TNR: variants seen among roughly 807,000 people sequenced by gnomAD.
TNR encodes the protein tenascin R, also known as tenascin-R.
Under a neutral mutation model 150.4 loss-of-function variants are expected in TNR, and 45 were observed. The observed-to-expected ratio is 0.30, with a 90% CI of 0.24 to 0.38. The LOEUF (loss-of-function observed/expected upper bound fraction) is 0.38, where lower values mean the gene tolerates loss of function less well. Among genes scored for constraint, TNR ranks in the 10% least tolerant of loss-of-function variants. TNR has a pLI of 1.00. For missense variants in TNR, 1,544 were observed against 1,759.1 expected, an observed-to-expected ratio of 0.88 and a Z score of 2.19; for synonymous variants, 687 against 678.4, an observed-to-expected ratio of 1.01 and a Z score of -0.20.
intron 18 of TNR, among the ~76,000 whole-genome samples, chr1:175,352,966 G>T (rs575704407): frequency 3.9e-4 from 60 of 152,258 alleles, no homozygotes; most frequent in African/African-American, 1.3e-3. Context: ...AGGCTCTGAG[G>T]CATGGACGGG....
intron 2 of TNR, among the ~76,000 whole-genome samples, chr1:175,514,665 T>G (rs1484348667): frequency 2.6e-5 from 4 of 152,222 alleles, no homozygotes; most frequent in Non-Finnish European, 5.9e-5. Flanking sequence ...CCAAAACTAC[T>G]AGACTGAGTG....
At chr1:175,558,443 A>G (rs1661280487) in intron 1 of TNR, among the ~76,000 whole-genome samples, 1 of 152,206 alleles carries the variant, frequency 6.6e-6, no homozygotes, top group African/African-American at 2.4e-5. Context: ...ATTATTATCT[A>G]CACTATAAAT....
intron 1 of TNR, among the ~76,000 whole-genome samples, chr1:175,706,190 A>AG (rs1392038580): frequency 2.0e-5 from 3 of 152,264 alleles, no homozygotes; most frequent in Non-Finnish European, 4.4e-5. Context: ...TCAGAGATCT[A>AG]TCTTGATAGT....
intron 2 of TNR, among the ~76,000 whole-genome samples, chr1:175,426,196 G>A (rs1204860476): frequency 6.6e-6 from 1 of 152,206 alleles, no homozygotes; most frequent in Admixed American, 6.5e-5. Context: ...GTAGTCTGGA[G>A]AGGACACTTT....
rs571404810 is a variant in TNR, at chr1:175,548,859, A to G, written c.-164-20490T>C. Among the ~76,000 whole-genome samples, 17 of 152,310 alleles carry G rather than the reference A, an allele frequency of 1.1e-4. No homozygotes were observed. The East Asian group carries it at 2.9e-3, about 26-fold the overall frequency. ...TGGAATGCTCAGAGCAACACTCCCAATCACATTTATTTCCTGCCTTCAGGT... is the reference window on the plus strand; with the variant it reads ...TGGAATGCTCAGAGCAACACTCCCAGTCACATTTATTTCCTGCCTTCAGGT... On this transcript the variant is annotated intron_variant, in intron 1 of 22. Coordinates refer to ENST00000367674, the MANE Select transcript of TNR (RefSeq NM_003285.3).
chr1:175,430,875 G>A (rs917407324), intron 2 of TNR, among the ~76,000 whole-genome samples: 3 of 152,136 alleles, frequency 2.0e-5, no homozygotes, highest in Non-Finnish European at 2.9e-5. Context: ...ATAATGGGTT[G>A]TTTTATATTT....
intron 2 of TNR, among the ~76,000 whole-genome samples, chr1:175,477,782 A>G (rs1657613511): frequency 6.6e-6 from 1 of 152,232 alleles, no homozygotes; most frequent in African/African-American, 2.4e-5. Flanking sequence ...GTCAGTTCTT[A>G]TACAAACACA....
At chr1:175,621,015 G>A (rs1204954660) in intron 1 of TNR, among the ~76,000 whole-genome samples, 1 of 152,142 alleles carries the variant, frequency 6.6e-6, no homozygotes, top group African/African-American at 2.4e-5. Flanking sequence ...TTCTAAATGC[G>A]AAATGCTATG....
chr1:175,444,329 C>T (rs1005322827), intron 2 of TNR, among the ~76,000 whole-genome samples: 2 of 152,014 alleles, frequency 1.3e-5, no homozygotes, highest in African/African-American at 2.4e-5. Flanking sequence ...AAGGAATATG[C>T]GAGACTCAAT....
intron 2 of TNR, among the ~76,000 whole-genome samples, chr1:175,488,448 G>A (rs1457247456): frequency 6.6e-6 from 1 of 152,196 alleles, no homozygotes; most frequent in Non-Finnish European, 1.5e-5. Flanking sequence ...ATTTGGGAAT[G>A]CAGTGAGGGG....
chr1:175,384,553 G>C (rs1305351231), intron 8 of TNR, among the ~76,000 whole-genome samples: 2 of 152,174 alleles, frequency 1.3e-5, no homozygotes, highest in Non-Finnish European at 2.9e-5. Flanking sequence ...TTTTTAAGGG[G>C]GAAGCTTTTC....
intron 1 of TNR, among the ~76,000 whole-genome samples, chr1:175,597,879 T>C (rs1446349764): frequency 4.6e-5 from 7 of 152,208 alleles, no homozygotes; most frequent in Non-Finnish European, 7.3e-5. Context: ...CTAGGCTCAT[T>C]TCCATTGTTC....
intron 2 of TNR, among the ~76,000 whole-genome samples, chr1:175,524,289 G>A (rs1659766634): frequency 6.6e-6 from 1 of 152,076 alleles, no homozygotes; most frequent in Admixed American, 6.5e-5. Context: ...TGTTGCACGG[G>A]TAGGTAGGAT....
intron 2 of TNR, among the ~76,000 whole-genome samples, chr1:175,523,861 G>A (rs1280834589): frequency 6.6e-6 from 1 of 152,164 alleles, no homozygotes; most frequent in African/African-American, 2.4e-5. Flanking sequence ...AAGTCTAAAT[G>A]TCTGTCATTC....
chr1:175,332,233 A>G (rs2298922), intron 20 of TNR, among the ~76,000 whole-genome samples: 115,041 of 152,140 alleles, frequency 0.76, 43,682 homozygotes, highest in African/African-American at 0.81. Flanking sequence ...TGATGTGGAG[A>G]GGTTCAAAAG....
intron 2 of TNR, among the ~76,000 whole-genome samples, chr1:175,455,017 G>A (rs560341955): frequency 2.6e-5 from 4 of 152,306 alleles, no homozygotes; most frequent in South Asian, 4.1e-4. Context: ...CATTGTGAAG[G>A]CAATGAAGCT....
chr1:175,397,201 A>C (rs1653477062), intron 4 of TNR, among the ~76,000 whole-genome samples: 1 of 152,200 alleles, frequency 6.6e-6, no homozygotes, highest in African/African-American at 2.4e-5. Context: ...ATTTGACTAC[A>C]TTTTACTATT....
chr1:175,379,506 A>G (rs1353449955), intron 9 of TNR, 46 bp downstream of exon 9: 1 of 1,563,362 alleles, frequency 6.4e-7, no homozygotes, highest in East Asian at 2.3e-5. Context: ...CTGTGAGGGT[A>G]TAGACTCAGC....
chr1:175,718,646 T>A (rs988678503), intron 1 of TNR, among the ~76,000 whole-genome samples: 2 of 152,132 alleles, frequency 1.3e-5, no homozygotes, highest in South Asian at 4.1e-4. Context: ...CCATCCTAAA[T>A]AGACAAATAA....
Sources: allele counts gnomAD v4.1 joint callset (sites outside exome capture counted in the v4.1 genomes callset), GRCh38; gene constraint gnomAD v4.1.1; transcripts MANE v1.5; gene names NCBI Gene and HGNC (gene_info 2026-07-23, HGNC 2026-07-21).